Variants in SLC25A51 observed in about 807,000 individuals in gnomAD.
SLC25A51 encodes solute carrier family 25 member 51.
Under a neutral mutation model 19.1 loss-of-function variants are expected in SLC25A51, and 11 were observed. The ratio of observed to expected loss-of-function variants is 0.58; its 90% CI spans 0.36 to 0.96. The LOEUF (loss-of-function observed/expected upper bound fraction) is 0.96, where lower values mean the gene tolerates loss of function less well. Ranked by LOEUF, SLC25A51 falls within the 40% of genes least tolerant of loss-of-function variation. The pLI, the probability that SLC25A51 is intolerant of heterozygous loss-of-function variation, is 0.01. For missense variants in SLC25A51, 201 were observed against 365.4 expected (o/e 0.55, Z 3.67); for synonymous variants, 105 against 133.6 (o/e 0.79, Z 1.47).
chr9:37,887,814 T>G lies in SLC25A51; in HGVS notation c.737A>C (p.Glu246Ala), dbSNP rs1174222844. Residue 246 changes from glutamate (E) to alanine (A), a missense_variant, in exon 3 of 3, where the codon GAA becomes GCA. Transcript: ENST00000242275. The part of the protein sequence containing the change: ...KTRIQSQIGG[E>A]FQSFPKVFQK... ...GAAAACCTTGGGGAAAGACTGAAAT[T>G]CCCCACCAATCTGAGACTGTATGCG... 6.2e-7 allele frequency: 1 copy of G among 1,613,348 alleles called. No individual in the cohort carries two copies. Among genetic ancestry groups the G allele is most frequent in the African/African-American group, 1.3e-5 (1 of 74,850 alleles).
downstream of SLC25A51, among the ~76,000 whole-genome samples, chr9:37,886,880 C>T (rs1831468093): frequency 1.3e-5 from 2 of 152,078 alleles, no homozygotes; most frequent in South Asian, 4.1e-4. Flanking sequence ...AAGTATAAGC[C>T]TGGCTGGGCG....
chr9:37,887,406 T>C (rs1286816089), downstream of SLC25A51, among the ~76,000 whole-genome samples: 3 of 152,030 alleles, frequency 2.0e-5, no homozygotes, highest in Admixed American at 6.5e-5. Context: ...GAAGACAATA[T>C]TGAACAACCC....
chr9:37,895,596 C>G (rs889004094), intron 2 of SLC25A51, among the ~76,000 whole-genome samples: 1 of 152,118 alleles, frequency 6.6e-6, no homozygotes, highest in African/African-American at 2.4e-5. Context: ...TCTGCTGGCA[C>G]TTTGGTTGTC....
intron 2 of SLC25A51, among the ~76,000 whole-genome samples, chr9:37,899,569 T>G (rs1831796883): frequency 6.6e-6 from 1 of 152,184 alleles, no homozygotes; most frequent in Admixed American, 6.5e-5. Context: ...CACTCTGTGT[T>G]GCCCAGGCTG....
At chr9:37,882,479 T>C (rs1831367713) in intron 2 of SLC25A51, among the ~76,000 whole-genome samples, 1 of 152,242 alleles carries the variant, frequency 6.6e-6, no homozygotes, top group Non-Finnish European at 1.5e-5. Flanking sequence ...AAGGTAATTA[T>C]ATACACAAAC....
downstream of SLC25A51, among the ~76,000 whole-genome samples, chr9:37,884,206 C>T (rs1831402422): frequency 6.6e-6 from 1 of 152,174 alleles, no homozygotes; most frequent in Admixed American, 6.5e-5. Flanking sequence ...TTCAGTCTGT[C>T]TCTTGTATTT....
At chr9:37,899,647 A>C (rs1002775670) in intron 2 of SLC25A51, among the ~76,000 whole-genome samples, 182 bp downstream of exon 2, 1 of 151,920 alleles carries the variant, frequency 6.6e-6, no homozygotes, top group Non-Finnish European at 1.5e-5. Flanking sequence ...TTATGGGCAT[A>C]AGCCTTGGCA....
downstream of SLC25A51, chr9:37,878,986 G>C (rs1831302473): frequency 1.3e-5 from 3 of 239,454 alleles, no homozygotes; most frequent in Admixed American, 5.4e-5. Flanking sequence ...AACTTTGCGT[G>C]GGTTGTAGAG....
Position 37,888,324 on chromosome 9 carries a change from C to T in SLC25A51, c.227G>A (p.Gly76Glu), listed in dbSNP as rs1422275608. The T allele has an allele frequency of 1.2e-6, 2 of 1,614,124 alleles. No individual in the cohort carries two copies. The highest frequency in any genetic ancestry group is 1.7e-6 in the Non-Finnish European group (2 of 1,180,062). Residue 76 changes from glycine (G) to glutamate (E), a missense_variant, in exon 3 of 3, where the codon GGA becomes GAA. Transcript: ENST00000242275. ...GATTCCACGATACAAATTTCGAAAT[C>T]CATCCCTTCTCAACTGAAGTATTGC... Reference protein sequence around the residue: ...RDAILQLRRDGFRNLYRGILP... With the variant: ...RDAILQLRRDEFRNLYRGILP...
intron 2 of SLC25A51, among the ~76,000 whole-genome samples, chr9:37,896,467 A>C (rs987719724): frequency 6.6e-6 from 1 of 152,160 alleles, no homozygotes; most frequent in African/African-American, 2.4e-5. Context: ...TTTATGGTGG[A>C]AGATGTATCC....
chr9:37,877,964 C>T (rs150344820), downstream of SLC25A51, among the ~76,000 whole-genome samples: 11 of 152,128 alleles, frequency 7.2e-5, no homozygotes, highest in South Asian at 6.2e-4. Flanking sequence ...GCCAAGATTG[C>T]GCCAATGCAC....
downstream of SLC25A51, among the ~76,000 whole-genome samples, chr9:37,887,394 T>A (rs563827784): frequency 6.6e-6 from 1 of 152,086 alleles, no homozygotes; most frequent in Admixed American, 6.5e-5. Context: ...GTTTTTATCA[T>A]TGAAGACAAT....
downstream of SLC25A51, chr9:37,887,526 C>A (rs1418229134): frequency 1.1e-5 from 12 of 1,092,574 alleles, no homozygotes; most frequent in African/African-American, 1.9e-4. Context: ...CTGACCTACT[C>A]CCCACACCCA....
chr9:37,887,588 A>G (rs946888295), downstream of SLC25A51: 10 of 1,506,652 alleles, frequency 6.6e-6, no homozygotes, highest in Admixed American at 1.4e-4. Context: ...AAAAAAAAAA[A>G]AGAGGCCAAA....
chr9:37,893,233 T>C (rs539849484), intron 2 of SLC25A51, among the ~76,000 whole-genome samples: 3 of 152,378 alleles, frequency 2.0e-5, no homozygotes, highest in Admixed American at 2.0e-4. Context: ...TACTTAAGTA[T>C]GTTACACTAA....
chr9:37,888,016 T>C lies in SLC25A51; in HGVS notation c.535A>G (p.Ile179Val), dbSNP rs760415359. 1.4e-5 allele frequency: 22 copies of C among 1,612,366 alleles called. No homozygotes were observed. In the East Asian group the frequency reaches 4.9e-4, roughly 36 times the overall value. ...IGEYYRGLVP[I>V]LFRNGLSNVL... ...TTGCTGAGTCCATTCCGGAAAAGAATGGGCACCAAGCCTCGATAATACTCT... is the reference window on the plus strand; with the variant it reads ...TTGCTGAGTCCATTCCGGAAAAGAACGGGCACCAAGCCTCGATAATACTCT... Residue 179 changes from isoleucine to valine, a missense_variant, in exon 3 of 3, where the codon ATT becomes GTT. Coordinates refer to ENST00000242275, the MANE Select transcript of SLC25A51 (RefSeq NM_033412.4).
chr9:37,886,258 AG>A (rs1008236763), downstream of SLC25A51: 36 of 1,612,936 alleles, frequency 2.2e-5, no homozygotes, highest in African/African-American at 3.9e-4. Flanking sequence ...ATGTGATCCG[AG>A]AATTTAACTT....
chr9:37,880,777 A>G (rs1412626658), intron 3 of SLC25A51: 1 of 152,108 alleles, frequency 6.6e-6, no homozygotes, highest in African/African-American at 2.4e-5. Context: ...AAATAAATAA[A>G]AAGATTTAAG....
intron 1 of SLC25A51, among the ~76,000 whole-genome samples, chr9:37,903,067 G>C (rs1251416881): frequency 6.6e-6 from 1 of 152,158 alleles, no homozygotes; most frequent in Non-Finnish European, 1.5e-5. Flanking sequence ...TTTACCAAAC[G>C]AGAGATCAGA....
Sources: allele counts gnomAD v4.1 joint callset (sites outside exome capture counted in the v4.1 genomes callset), GRCh38; gene constraint gnomAD v4.1.1; transcripts MANE v1.5; gene names NCBI Gene and HGNC (gene_info 2026-07-23, HGNC 2026-07-21).